The following MAN2B1 variants were observed in gnomAD, a reference collection of about 807,000 sequenced individuals.
MAN2B1 encodes mannosidase alpha class 2B member 1.
A neutral mutation model predicts 127.5 loss-of-function variants in MAN2B1; 99 were observed. The observed-to-expected ratio is 0.78, with a 90% CI of 0.66 to 0.92. The LOEUF is 0.92. Ranked by LOEUF, MAN2B1 falls within the 40% of genes least tolerant of loss-of-function variation. The pLI is 0.00. For synonymous variants in MAN2B1, 573 were observed against 568.8 expected (o/e 1.01, Z -0.11); for missense variants, 1,304 against 1,384.8 (o/e 0.94, Z 0.93).
rs1252443164 is a variant in MAN2B1 at position 12,647,196 on chromosome 19, G to A, written c.2923+37C>T. The A allele has an allele frequency of 6.4e-7, 1 of 1,570,406 alleles. No individual in the cohort carries two copies. Among genetic ancestry groups the A allele is most frequent in the African/African-American group, 1.4e-5 (1 of 73,990 alleles). ...GCCCCCACCTGCCGGCCCCAGGTAA[G>A]ACTCCACCCCTTCCCTACCCCTGAC... On this transcript the variant is annotated intron_variant, in intron 23 of 23. Coordinates refer to ENST00000456935, the MANE Select transcript of MAN2B1 (RefSeq NM_000528.4). This position sits in a 1 kb window ranked among gnomAD's most constrained non-coding sequence, Gnocchi z 4.9.
Position 12,666,707 on chromosome 19 carries a change from A to AG in MAN2B1, c.-7dup. ...GCCCGCGCGTAGGCGCCCATGGCTC[A>AG]GCAGCTTCCTCCTGGGGTTCCCCGG... On this transcript the variant is annotated 5_prime_UTR_variant, in exon 1 of 24. Coordinates refer to ENST00000456935, the MANE Select transcript of MAN2B1 (RefSeq NM_000528.4). The AG allele has an allele frequency of 1.3e-6, 2 of 1,548,202 alleles. No individual in the cohort carries two copies. Among genetic ancestry groups the AG allele is most frequent in the Non-Finnish European group, 1.7e-6 (2 of 1,146,494 alleles).
At chr19:12,653,207 C>T (rs1233239551) in intron 14 of MAN2B1, among the ~76,000 whole-genome samples, 1 of 144,658 alleles carries the variant, frequency 6.9e-6, no homozygotes, top group South Asian at 2.2e-4. Flanking sequence ...CAGAAAGTGG[C>T]GTGATCTTGG....
At chr19:12,656,494 G>A (rs2023961276) in intron 13 of MAN2B1, 77 bp downstream of exon 13, 4 of 979,782 alleles carry the variant, frequency 4.1e-6, no homozygotes, top group Non-Finnish European at 6.6e-6. Flanking sequence ...GGAAGCAGGC[G>A]ATATCCATGG....
At chr19:12,661,008 C>T (rs544168235) in intron 7 of MAN2B1, 9 of 411,846 alleles carry the variant, frequency 2.2e-5, no homozygotes, top group African/African-American at 8.2e-5. Flanking sequence ...CTGCCCGGCT[C>T]AGCCTCCCAA....
rs1228497674 is a variant in MAN2B1, at chr19:12,655,898, G to A, written c.1645-19C>T. On this transcript the variant is annotated intron_variant, in intron 13 of 23. Transcript: ENST00000456935. ...TTACCACCTCGGATAAAGGAGGAGGGAAACTGAGTCAAGAGTACCCATGGA... is the reference window on the plus strand; with the variant it reads ...TTACCACCTCGGATAAAGGAGGAGGAAAACTGAGTCAAGAGTACCCATGGA... 1.9e-6 allele frequency: 3 copies of A among 1,610,532 alleles called. No homozygotes were observed. The highest frequency in any genetic ancestry group is 1.3e-5 in the African/African-American group (1 of 74,936).
chr19:12,648,258 C>T lies in MAN2B1; in HGVS notation c.2581G>A (p.Glu861Lys). 1 of 1,604,066 alleles carries T rather than the reference C, an allele frequency of 6.2e-7. No homozygotes were observed. Among genetic ancestry groups the T allele is most frequent in the South Asian group, 1.1e-5 (1 of 90,268 alleles). The change falls in exon 21 of 24, where the codon GAG becomes AAG. Residue 861 changes from glutamate (E) to lysine (K), a missense_variant. Transcript: ENST00000456935. ...AAAAGHRLLAEQEVLAPQVVL... is the reference protein window; with the variant it reads ...AAAAGHRLLAKQEVLAPQVVL... ...ACCTGAGGGGCCAGGACCTCCTGCT[C>T]CGCCAGGAGCCGGTGTCCGGCGGCT...
chr19:12,662,042 G>A (rs570804324), intron 6 of MAN2B1, among the ~76,000 whole-genome samples: 179 of 152,048 alleles, frequency 1.2e-3, no homozygotes, highest in South Asian at 4.8e-3. Flanking sequence ...ACAGGGTTTC[G>A]TCATTTTGGC....
Position 12,658,455 on chromosome 19 carries a change from C to T in MAN2B1, c.1082G>A (p.Trp361Ter). The T allele has an allele frequency of 6.2e-7, 1 of 1,614,204 alleles. No individual in the cohort carries two copies. Among genetic ancestry groups the T allele is most frequent in the Non-Finnish European group, 8.5e-7 (1 of 1,180,036 alleles). Residue 361 changes from tryptophan (W) to a stop codon, truncating the protein, a stop_gained, in exon 8 of 24, where the codon TGG (tryptophan) becomes TAG (stop). Coordinates refer to ENST00000456935, the MANE Select transcript of MAN2B1 (RefSeq NM_000528.4). LOFTEE classifies it high-confidence loss of function. ...VLYSTPACYLWELNKANLTWS... is the reference protein window; with the variant it reads ...VLYSTPACYL ...GGTGAGGTTGGCCTTGTTCAGCTCC[C>T]AGAGGTAACAAGCGGGGGTGGAGTA...
In MAN2B1 at chr19:12,663,769, G is replaced by C; in HGVS notation, c.697C>G (p.Leu233Val). The C allele has an allele frequency of 6.2e-7, 1 of 1,614,178 alleles. No individual in the cohort carries two copies. Residue 233 changes from leucine (L) to valine (V), a missense_variant, in exon 5 of 24, where the codon CTG becomes GTG. Transcript: ENST00000456935. ...YQDKWVRMQKLEMEQVWRAST... is the reference protein window; with the variant it reads ...YQDKWVRMQKVEMEQVWRAST... ...GCCCGCCACACCTGCTCCATCTCCA[G>C]CTTCTGCATCCGTACCCACTTATCT...
chr19:12,657,622 AGGTCC>A, intron 10 of MAN2B1, 67 bp from the exon 11 acceptor site: 2 of 1,351,790 alleles, frequency 1.5e-6, no homozygotes, highest in South Asian at 2.5e-5. Context: ...GGGAAGCGAA[AGGTCC>A]GGTGCTGGCG....
rs2023936413 is a variant in MAN2B1, at chr19:12,655,675, G to T, written c.1830+19C>A. The T allele has an allele frequency of 6.2e-7, 1 of 1,604,112 alleles. No individual in the cohort carries two copies. The highest frequency in any genetic ancestry group is 1.3e-5 in the African/African-American group (1 of 74,842). On this transcript the variant is annotated intron_variant, in intron 14 of 23. Coordinates refer to ENST00000456935, the MANE Select transcript of MAN2B1 (RefSeq NM_000528.4). ...AATTTGTCACAGGAGCAGGAAAGGGGATTGAAATGGGGTCTCACCTCATTT... is the reference window on the plus strand; with the variant it reads ...AATTTGTCACAGGAGCAGGAAAGGGTATTGAAATGGGGTCTCACCTCATTT...
intron 13 of MAN2B1, 106 bp downstream of exon 13, chr19:12,656,465 A>C: frequency 1.3e-6 from 1 of 779,580 alleles, no homozygotes; most frequent in Non-Finnish European, 2.3e-6. Flanking sequence ...AGAGATATGC[A>C]TGAGTGGGAG....
chr19:12,652,024 G>T (rs1001780999), intron 16 of MAN2B1, 129 bp downstream of exon 16: 12 of 780,926 alleles, frequency 1.5e-5, no homozygotes, highest in Non-Finnish European at 2.8e-5. Context: ...TGATCTGTGG[G>T]TCTTAGCCCA....
chr19:12,649,859 C>T, intron 18 of MAN2B1, 54 bp downstream of exon 18: 1 of 1,423,680 alleles, frequency 7.0e-7, no homozygotes, highest in Non-Finnish European at 9.9e-7. Flanking sequence ...CTCACCACCC[C>T]TGGGCCCCAA....
intron 1 of MAN2B1, 68 bp downstream of exon 1, chr19:12,666,475 A>C: frequency 6.5e-7 from 1 of 1,534,526 alleles, no homozygotes; most frequent in Non-Finnish European, 8.8e-7. Context: ...AGACCCACCC[A>C]CACCTCTAGA....
At chr19:12,650,974 T>C (rs1447052702) in intron 16 of MAN2B1, among the ~76,000 whole-genome samples, 3 of 87,158 alleles carry the variant, frequency 3.4e-5, no homozygotes, top group African/African-American at 9.1e-5. Flanking sequence ...ACCCGGCCTC[T>C]TTTTTTTTTT....
At chr19:12,652,838 T>TA (rs1430880969) in intron 14 of MAN2B1, among the ~76,000 whole-genome samples, 1 of 86,594 alleles carries the variant, frequency 1.2e-5, no homozygotes, top group Non-Finnish European at 2.7e-5. Context: ...AGCCGGATTT[T>TA]TATTTTTTTT....
rs115366111 is a variant in MAN2B1 at position 12,665,638 on chromosome 19, C to G, written c.262+65G>C. On this transcript the variant is annotated intron_variant, in intron 2 of 23. Coordinates refer to ENST00000456935, the MANE Select transcript of MAN2B1 (RefSeq NM_000528.4). ...GGTAGCACTGGCCCCACCCTAATGT[C>G]CAGGACCCAGAGGGATTACAGGGAC... 2,656 of 1,588,622 alleles carry G rather than the reference C, an allele frequency of 1.7e-3. 38 individuals are homozygous for G. In the African/African-American group the frequency reaches 0.028, roughly 17 times the overall value.
At chr19:12,655,957 G>C in intron 13 of MAN2B1, 78 bp from the exon 14 acceptor site, 1 of 1,206,850 alleles carries the variant, frequency 8.3e-7, no homozygotes. Flanking sequence ...AAAACTCAAG[G>C]AAGGAAAAGA....
Sources: gnomAD v4.1 joint callset for allele counts (sites outside exome capture counted in the v4.1 genomes callset) on GRCh38, gnomAD v4.1.1 for gene constraint, Gnocchi (gnomAD v3.1) non-coding constraint, MANE v1.5 for transcripts, NCBI Gene and HGNC (gene_info 2026-07-23, HGNC 2026-07-21) for gene names.